Variants in AQR observed in about 807,000 individuals in gnomAD.
AQR encodes the protein RNA helicase aquarius.
AQR carries 61 observed loss-of-function variants against 180.5 expected under a neutral mutation model. The observed-to-expected ratio is 0.34, with a 90% confidence interval of 0.28 to 0.42. The LOEUF (loss-of-function observed/expected upper bound fraction) is 0.42. Among genes scored for constraint, AQR ranks in the 10% least tolerant of loss-of-function variants. The pLI, the probability that AQR is intolerant of heterozygous loss-of-function variation, is 1.00. For missense variants in AQR, 1,281 were observed against 1,798.3 expected, an observed-to-expected ratio of 0.71 and a Z score of 5.20; for synonymous variants, 551 against 588.8, an observed-to-expected ratio of 0.94 and a Z score of 0.93.
At chr15:34,920,759 C>A (rs951370899) in intron 13 of AQR, among the ~76,000 whole-genome samples, 1 of 152,106 alleles carries the variant, frequency 6.6e-6, no homozygotes, top group African/African-American at 2.4e-5. Context: ...GAGATCGAGA[C>A]TATGCTGGCT....
rs112801519 is a variant in AQR at position 34,896,852 on chromosome 15, AAAACAAAC to A, written c.2460+37_2460+44del. 48 of 1,538,770 alleles carry A rather than the reference AAAACAAAC, an allele frequency of 3.1e-5. No homozygotes were observed. In the East Asian group the frequency reaches 4.0e-4, roughly 13 times the overall value. Reference sequence around the variant, plus strand: ...CAACAAAAGTGAAACTCCATCTCAGAAAACAAACAAACAAACAAACAAACAGGTGTAAC... The same window carrying A: ...CAACAAAAGTGAAACTCCATCTCAGAAAACAAACAAACAAACAGGTGTAAC... On this transcript the variant is annotated intron_variant, in intron 22 of 34. Transcript: ENST00000156471.
intron 13 of AQR, among the ~76,000 whole-genome samples, chr15:34,921,220 G>A (rs1389860570): frequency 1.3e-5 from 2 of 151,936 alleles, no homozygotes; most frequent in African/African-American, 4.8e-5. Context: ...CGGATCACAA[G>A]GTCAGGAGTT....
chr15:34,859,840 C>G (rs527806917), intron 34 of AQR, among the ~76,000 whole-genome samples: 2 of 152,100 alleles, frequency 1.3e-5, no homozygotes, highest in Admixed American at 1.3e-4. Context: ...AAATTTTACA[C>G]TTTAAGTTTG....
intron 22 of AQR, among the ~76,000 whole-genome samples, chr15:34,895,248 A>C (rs1172373578): frequency 2.2e-5 from 3 of 137,822 alleles, no homozygotes; most frequent in African/African-American, 7.9e-5. Context: ...TAATACTCAA[A>C]ACTATTCAAA....
chr15:34,967,184 G>A (rs963220289), intron 1 of AQR, among the ~76,000 whole-genome samples: 1 of 149,312 alleles, frequency 6.7e-6, no homozygotes, highest in Non-Finnish European at 1.5e-5. Context: ...ACAAGCCACC[G>A]CACCCGGCCC....
At chr15:34,881,057 A>G (rs1302222154) in intron 27 of AQR, among the ~76,000 whole-genome samples, 1 of 152,336 alleles carries the variant, frequency 6.6e-6, no homozygotes, top group South Asian at 2.1e-4. Context: ...AAGTTTGATA[A>G]GTAGTATTCT....
intron 34 of AQR, among the ~76,000 whole-genome samples, chr15:34,858,507 A>G (rs951656486): frequency 1.7e-4 from 26 of 152,176 alleles, no homozygotes; most frequent in Non-Finnish European, 5.9e-5. Flanking sequence ...AATCTCCCCA[A>G]ATAGATCCTA....
Position 34,906,424 on chromosome 15 carries a change from C to A in AQR, c.1831+121G>T, listed in dbSNP as rs150570151. ...CCCTACACATATTTGATACAAAATCCTTTGTGTCAATTTAGTAGGTAAAAG... is the reference window on the plus strand; with the variant it reads ...CCCTACACATATTTGATACAAAATCATTTGTGTCAATTTAGTAGGTAAAAG... On this transcript the variant is annotated intron_variant, in intron 18 of 34. Transcript: ENST00000156471. The A allele has an allele frequency of 2.3e-4, 276 of 1,190,062 alleles. 2 individuals are homozygous for A. The Middle Eastern group carries it at 6.0e-3, about 26-fold the overall frequency. 73.7% of individuals were successfully genotyped at this position (1,190,062 alleles called of 1,614,324 possible). A position where few individuals can be genotyped will look rare whatever the true frequency, so the allele number is the denominator to read the frequency against.
chr15:34,896,899 T>C lies in AQR; in HGVS notation c.2458A>G (p.Met820Val), dbSNP rs749268658. 14 of 1,609,354 alleles carry C rather than the reference T, an allele frequency of 8.7e-6. No homozygotes were observed. The highest frequency in any genetic ancestry group is 1.2e-5 in the Non-Finnish European group (14 of 1,175,772). The change falls in exon 22 of 35, where the codon ATG becomes GTG. Residue 820 changes from methionine to valine, a missense_variant and splice_region_variant. Coordinates refer to ENST00000156471, the MANE Select transcript of AQR (RefSeq NM_014691.3). ...AACAGGTGTAACAATTCTCTTACCA[T>C]AGTCAGCCCAGGCTGCATTCCAGCA... ...IRAGMQPGLT[M>V]VVGPPGTGKT...
chr15:34,919,595 T>C (rs1267699182), intron 14 of AQR, among the ~76,000 whole-genome samples: 2 of 152,142 alleles, frequency 1.3e-5, no homozygotes, highest in Non-Finnish European at 1.5e-5. Flanking sequence ...TTATTTTCCA[T>C]TAGAAGAATT....
At chr15:34,949,376 C>T (rs571270078) in intron 4 of AQR, among the ~76,000 whole-genome samples, 181 of 151,680 alleles carry the variant, frequency 1.2e-3, no homozygotes, top group Middle Eastern at 3.4e-3. Flanking sequence ...TTTGGGAGGC[C>T]GAGGCAGGCA....
intron 20 of AQR, among the ~76,000 whole-genome samples, chr15:34,900,089 C>T (rs1289160693): frequency 1.3e-5 from 2 of 151,896 alleles, no homozygotes; most frequent in African/African-American, 4.8e-5. Context: ...GATGGGGTCT[C>T]GCTATGTTGC....
At chr15:34,876,109 GACAT>G in intron 27 of AQR, 103 bp from the exon 28 acceptor site, 1 of 823,442 alleles carries the variant, frequency 1.2e-6, no homozygotes. Context: ...TGATAAAAAC[GACAT>G]ACAAATTATT....
At chr15:34,895,179 AAAAAAAAAATATATATATATAT>A (rs1893217464) in intron 22 of AQR, among the ~76,000 whole-genome samples, 1 of 50,130 alleles carries the variant, frequency 2.0e-5, no homozygotes, top group African/African-American at 5.8e-5. Flanking sequence ...AAAAAAAAAA[AAAAAAAAAATATATATATATAT>A]ATATATATAT....
chr15:34,950,680 G>C (rs562360978), intron 4 of AQR, among the ~76,000 whole-genome samples: 1 of 152,076 alleles, frequency 6.6e-6, no homozygotes, highest in Non-Finnish European at 1.5e-5. Flanking sequence ...TGAAGTTCTT[G>C]GTGGTGGGGG....
intron 32 of AQR, among the ~76,000 whole-genome samples, chr15:34,866,545 C>T (rs1211368094): frequency 1.3e-5 from 2 of 151,892 alleles, no homozygotes; most frequent in African/African-American, 4.8e-5. Context: ...AATTTGAAGA[C>T]CAAGTACCAC....
chr15:34,949,701 A>C (rs1894188700), intron 4 of AQR, among the ~76,000 whole-genome samples: 2 of 151,308 alleles, frequency 1.3e-5, no homozygotes, highest in South Asian at 2.1e-4. Flanking sequence ...TGACACCTGT[A>C]ATCCCAGTAC....
At chr15:34,901,400 A>G (rs1419595423) in intron 19 of AQR, among the ~76,000 whole-genome samples, 1 of 152,242 alleles carries the variant, frequency 6.6e-6, no homozygotes, top group Non-Finnish European at 1.5e-5. Flanking sequence ...GAACAAAATG[A>G]TAAAAATAAA....
At chr15:34,899,225 T>C (rs1314012963) in intron 20 of AQR, among the ~76,000 whole-genome samples, 1 of 152,014 alleles carries the variant, frequency 6.6e-6, no homozygotes, top group Non-Finnish European at 1.5e-5. Flanking sequence ...CTCTGAGATA[T>C]AGCAGGAGTT....
Sources: gnomAD v4.1 joint callset for allele counts (sites outside exome capture counted in the v4.1 genomes callset) on GRCh38, gnomAD v4.1.1 for gene constraint, MANE v1.5 for transcripts, NCBI Gene and HGNC (gene_info 2026-07-23, HGNC 2026-07-21) for gene names.